TG: variants seen among roughly 807,000 people sequenced by gnomAD.
TG encodes the protein thyroglobulin.
A neutral mutation model predicts 324.7 loss-of-function variants in TG; 270 were observed. The observed-to-expected ratio is 0.83, with a 90% CI of 0.75 to 0.92. The LOEUF (loss-of-function observed/expected upper bound fraction) is 0.92, where lower values mean the gene tolerates loss of function less well. TG is among the 40% of genes least tolerant of loss of function. The probability of loss-of-function intolerance (pLI) is 0.00; values close to 1 mark genes in which losing one functional copy is unlikely to be tolerated. For missense variants in TG, 3,591 were observed against 3,456.4 expected (o/e 1.04, Z -0.98); for synonymous variants, 1,401 against 1,327.0 (o/e 1.06, Z -1.21).
intron 40 of TG, among the ~76,000 whole-genome samples, chr8:133,026,123 G>C (rs1836048353): frequency 6.6e-6 from 1 of 152,192 alleles, no homozygotes; most frequent in Non-Finnish European, 1.5e-5. Context: ...CTGGCACAGA[G>C]CTGCCTCCTG....
Position 132,972,628 on chromosome 8 carries a change from G to C in TG, c.6086G>C (p.Ser2029Thr). ...GGEVTCLTLN[S>T]LGIQMCSEEN... is the part of the protein sequence containing the mutation. ...GAGGTGACATGTCTCACTCTGAACA[G>C]CTTGGGAATTCAGATGTGCAGTGAG... Residue 2029 changes from serine to threonine, a missense_variant, in exon 34 of 48, where the codon AGC (serine) becomes ACC (threonine). By Grantham distance (58) the Ser-to-Thr change is moderately conservative (BLOSUM62 1). Coordinates refer to ENST00000220616, the MANE Select transcript of TG (RefSeq NM_003235.5). 3 of 1,598,588 alleles carry C rather than the reference G, an allele frequency of 1.9e-6. No homozygotes were observed. Among genetic ancestry groups the C allele is most frequent in the Non-Finnish European group, 2.6e-6 (3 of 1,172,986 alleles).
chr8:132,994,623 A>G, intron 35 of TG: 1 of 1,218,348 alleles, frequency 8.2e-7, no homozygotes, highest in Non-Finnish European at 1.1e-6. Context: ...TCATCCATTC[A>G]TTTATTCTCC....
At chr8:133,055,813 C>A (rs963251200) in intron 41 of TG, among the ~76,000 whole-genome samples, 1 of 148,844 alleles carries the variant, frequency 6.7e-6, no homozygotes, top group Non-Finnish European at 1.5e-5. Context: ...CCTTCCTCCC[C>A]CTCCTCATCA....
At chr8:133,076,966 A>G (rs944418647) in intron 41 of TG, among the ~76,000 whole-genome samples, 1 of 152,144 alleles carries the variant, frequency 6.6e-6, no homozygotes, top group African/African-American at 2.4e-5. Context: ...TCCTATGGGA[A>G]AGACTGAATA....
chr8:133,012,027 G>C lies in TG; in HGVS notation c.6389G>C (p.Cys2130Ser). Residue 2130 changes from cysteine to serine, a missense_variant, in exon 36 of 48, where the codon TGT becomes TCT. By Grantham distance (112) the Cys-to-Ser change is moderately radical (BLOSUM62 -1). Coordinates refer to ENST00000220616, the MANE Select transcript of TG (RefSeq NM_003235.5). ...TSNFSAVRDL[C>S]LSECSQHEAC... ...AATTTCTCTGCTGTCCGAGACCTCT[G>C]TTTGTCGGGTAAGGGGAGTTTCCAA... 6.2e-7 allele frequency: 1 copy of C among 1,614,198 alleles called. No individual in the cohort carries two copies. The highest frequency in any genetic ancestry group is 8.5e-7 in the Non-Finnish European group (1 of 1,180,032).
At chr8:132,986,884 C>T (rs1421981982) in intron 35 of TG, among the ~76,000 whole-genome samples, 2 of 152,114 alleles carry the variant, frequency 1.3e-5, no homozygotes, top group Admixed American at 1.3e-4. Flanking sequence ...ACTTGCGATC[C>T]TTAAGTTTTA....
chr8:132,949,254 A>G (rs1825774689), intron 27 of TG, among the ~76,000 whole-genome samples: 1 of 152,162 alleles, frequency 6.6e-6, no homozygotes, highest in Non-Finnish European at 1.5e-5. Flanking sequence ...CTTGGTTGGC[A>G]CATCTGGGCC....
intron 35 of TG, among the ~76,000 whole-genome samples, chr8:132,984,342 C>T (rs1401788162): frequency 6.6e-6 from 1 of 152,198 alleles, no homozygotes; most frequent in Non-Finnish European, 1.5e-5. Context: ...TAGTTTCCCT[C>T]AGTCAGTTAA....
At chr8:133,101,886 C>G (rs1177515919) in intron 43 of TG, among the ~76,000 whole-genome samples, 2 of 152,310 alleles carry the variant, frequency 1.3e-5, no homozygotes, top group Admixed American at 6.5e-5. Flanking sequence ...GGACCCCGCT[C>G]CCTTGGTCAT....
At chr8:132,997,004 T>C (rs1357455892) in intron 35 of TG, among the ~76,000 whole-genome samples, 1 of 152,186 alleles carries the variant, frequency 6.6e-6, no homozygotes, top group Non-Finnish European at 1.5e-5. Flanking sequence ...GACACTACGT[T>C]TTTTGTTTGT....
chr8:133,115,583 T>C (rs754632740), intron 44 of TG, among the ~76,000 whole-genome samples: 8 of 152,226 alleles, frequency 5.3e-5, no homozygotes, highest in Non-Finnish European at 1.0e-4. Flanking sequence ...GGGACTCCCA[T>C]GGGTGTTATT....
intron 20 of TG, among the ~76,000 whole-genome samples, chr8:132,915,407 AG>A (rs889749994): frequency 1.3e-5 from 2 of 152,204 alleles, no homozygotes; most frequent in Non-Finnish European, 2.9e-5. Context: ...CTCAATTATT[AG>A]TTCCTGTCAA....
At chr8:133,083,481 C>T (rs980825732) in intron 41 of TG, among the ~76,000 whole-genome samples, 1 of 152,154 alleles carries the variant, frequency 6.6e-6, no homozygotes, top group Non-Finnish European at 1.5e-5. Context: ...TAAGAACACA[C>T]AGCTGGTTAG....
chr8:133,019,816 T>G (rs1331364166), intron 39 of TG, 121 bp downstream of exon 39: 1 of 814,416 alleles, frequency 1.2e-6, no homozygotes, highest in Non-Finnish European at 2.0e-6. Flanking sequence ...TGAGGTTAGG[T>G]GATTTGCCTA....
In TG at chr8:133,113,556, C is replaced by A. The variant is rs370233152; in HGVS notation, c.7707C>A (p.Ser2569=). Residue 2569 remains serine (S), a synonymous_variant, in exon 44 of 48, where the codon TCC becomes TCA. Coordinates refer to ENST00000220616, the MANE Select transcript of TG (RefSeq NM_003235.5). ...CATGGTATTACTCTCTGGAGCACTCCACGGATGACTATGCCTCCTTCTCCC... is the reference window on the plus strand; with the variant it reads ...CATGGTATTACTCTCTGGAGCACTCAACGGATGACTATGCCTCCTTCTCCC... ...AATWYYSLEH[S]TDDYASFSRA... 6 of 1,614,054 alleles carry A rather than the reference C, an allele frequency of 3.7e-6. No homozygotes were observed. In the African/African-American group the frequency reaches 8.0e-5, roughly 22 times the overall value.
chr8:132,998,551 C>G (rs1364412234), intron 35 of TG, among the ~76,000 whole-genome samples: 1 of 152,032 alleles, frequency 6.6e-6, no homozygotes, highest in Non-Finnish European at 1.5e-5. Context: ...GGACATTGCT[C>G]AAAGGGAAGC....
At chr8:132,997,629 G>A (rs562229492) in intron 35 of TG, among the ~76,000 whole-genome samples, 2 of 152,288 alleles carry the variant, frequency 1.3e-5, no homozygotes, top group East Asian at 1.9e-4. Context: ...GAGACTGGAA[G>A]TGTCCATTGA....
Position 132,887,091 on chromosome 8 carries a change from G to A in TG, c.1719G>A (p.Glu573=). The change falls in exon 9 of 48, where the codon GAG becomes GAA. Residue 573 remains glutamate, a synonymous_variant. Coordinates refer to ENST00000220616, the MANE Select transcript of TG (RefSeq NM_003235.5). The part of the protein sequence containing the change: ...NALKFLASLL[E]LPEFLLFLQH... ...TCAAATTCCTTGCTTCTCTCCTGGA[G>A]CTTCCAGAATTCCTTCTCTTCTTGC... 6.2e-7 allele frequency: 1 copy of A among 1,614,192 alleles called. No individual in the cohort carries two copies. Among genetic ancestry groups the A allele is most frequent in the South Asian group, 1.1e-5 (1 of 91,080 alleles).
intron 25 of TG, among the ~76,000 whole-genome samples, chr8:132,936,740 C>T (rs1367376155): frequency 6.6e-6 from 1 of 152,244 alleles, no homozygotes; most frequent in African/African-American, 2.4e-5. Flanking sequence ...CACCCCCTGC[C>T]TCCTCTCCGG....
Sources: gnomAD v4.1 joint callset for allele counts (sites outside exome capture counted in the v4.1 genomes callset) on GRCh38, gnomAD v4.1.1 for gene constraint, MANE v1.5 for transcripts, NCBI Gene and HGNC (gene_info 2026-07-23, HGNC 2026-07-21) for gene names.